Variants in SLC12A6 observed in about 807,000 individuals in gnomAD.
SLC12A6 encodes the protein K-Cl cotransporter 3.
A neutral mutation model predicts 135.3 loss-of-function variants in SLC12A6; 66 were observed. The observed-to-expected ratio is 0.49, with a 90% confidence interval of 0.40 to 0.60. SLC12A6 has a LOEUF of 0.60. Among genes scored for constraint, SLC12A6 ranks in the 20% least tolerant of loss-of-function variants. The pLI is 0.00. For synonymous variants in SLC12A6, 513 were observed against 508.8 expected (o/e 1.01, Z -0.11); for missense variants, 1,058 against 1,452.3 (o/e 0.73, Z 4.41).
Position 34,256,293 on chromosome 15 carries a change from A to G in SLC12A6, c.691-10T>C. The G allele has an allele frequency of 6.3e-7, 1 of 1,583,648 alleles. No homozygotes were observed. The highest frequency in any genetic ancestry group is 8.7e-7 in the Non-Finnish European group (1 of 1,152,192). ...TAGCAGTCAACATTGTCTGCAGAGA[A>G]AAGGAAAGGAGAGGATTGTTACTGT... On this transcript the variant is annotated splice_polypyrimidine_tract_variant and intron_variant, in intron 6 of 25. Transcript: ENST00000354181.
In SLC12A6 at chr15:34,327,014, T is replaced by C. The variant is rs77833062; in HGVS notation, c.271+9396A>G. Among the ~76,000 whole-genome samples the C allele has an allele frequency of 2.0e-5, 3 of 152,192 alleles. No homozygotes were observed. The East Asian group carries it at 5.8e-4, about 29-fold the overall frequency. ...AATGACAAAAATTCTGGTCTTGGAA[T>C]TACATGTGCCTAGGTTCAATCATTA... On this transcript the variant is annotated intron_variant, in intron 2 of 25. Transcript: ENST00000354181.
chr15:34,298,080 A>G (rs1895992443), intron 2 of SLC12A6, among the ~76,000 whole-genome samples: 1 of 152,190 alleles, frequency 6.6e-6, no homozygotes, highest in South Asian at 2.1e-4. Flanking sequence ...CACTATGGAT[A>G]TCAAAAACAG....
Position 34,232,227 on chromosome 15 carries a change from T to A in SLC12A6, c.*1654A>T, listed in dbSNP as rs934927749. 1 of 152,188 alleles carries A rather than the reference T, an allele frequency of 6.6e-6. No individual in the cohort carries two copies. Among genetic ancestry groups the A allele is most frequent in the Non-Finnish European group, 1.5e-5 (1 of 68,036 alleles). The allele number at this position is 152,188 out of a possible 1,614,324, so 9.4% of individuals were successfully genotyped here. A position where few individuals can be genotyped will look rare whatever the true frequency, so the allele number is the denominator to read the frequency against. ...AGCTGAGCTTACACAAGTATTTCCT[T>A]GGCACACTGAACTTTCTTTTTGAAA... On this transcript the variant is annotated 3_prime_UTR_variant, in exon 26 of 26. Transcript: ENST00000354181.
chr15:34,277,956 C>T (rs78246882), intron 2 of SLC12A6, among the ~76,000 whole-genome samples: 5,977 of 152,184 alleles, frequency 0.039, 218 homozygotes, highest in African/African-American at 0.099. Flanking sequence ...TTCTTGCTTC[C>T]CAATATTCTG....
Position 34,256,283 on chromosome 15 carries a change from T to A in SLC12A6, c.691A>T (p.Thr231Ser). Reference protein sequence around the residue: ...FAIVLICCCCTMLTAISMSAI... With the variant: ...FAIVLICCCCSMLTAISMSAI... Reference sequence around the variant, plus strand: ...CTCATGGAGATAGCAGTCAACATTGTCTGCAGAGAAAAGGAAAGGAGAGGA... The same window carrying A: ...CTCATGGAGATAGCAGTCAACATTGACTGCAGAGAAAAGGAAAGGAGAGGA... The change falls in exon 7 of 26, where the codon ACA becomes TCA. Residue 231 changes from threonine to serine, a missense_variant and splice_region_variant. By Grantham distance (58) the Thr-to-Ser change is moderately conservative. This residue lies in a region of SLC12A6 where 139 missense variants were observed against 202.2 expected (regional missense o/e 0.69). Coordinates refer to ENST00000354181, the MANE Select transcript of SLC12A6 (RefSeq NM_001365088.1). 1 of 1,596,780 alleles carries A rather than the reference T, an allele frequency of 6.3e-7. No homozygotes were observed. Among genetic ancestry groups the A allele is most frequent in the Non-Finnish European group, 8.6e-7 (1 of 1,164,214 alleles).
intron 2 of SLC12A6, among the ~76,000 whole-genome samples, chr15:34,329,735 GC>G (rs140871680): frequency 9.7e-4 from 148 of 152,104 alleles, no homozygotes; most frequent in African/African-American, 3.3e-3. Flanking sequence ...TTAAAAATTG[GC>G]CAGGCATGGT....
At position 34,336,460 on chromosome 15, in the gene SLC12A6, G is replaced by T. The variant is rs373526599; in HGVS notation, c.221C>A (p.Ala74Glu). The change falls in exon 2 of 26, where the codon GCA becomes GAA. Residue 74 changes from alanine (A) to glutamate (E), a missense_variant. Around this residue, in one of 6 missense-constraint regions of SLC12A6, gnomAD observed 176 missense variants for 168.9 expected, o/e 1.04. Coordinates refer to ENST00000354181, the MANE Select transcript of SLC12A6 (RefSeq NM_001365088.1). ...SGATTSLATVALDPPSDRTSH... is the reference protein window; with the variant it reads ...SGATTSLATVELDPPSDRTSH... Reference sequence around the variant, plus strand: ...AGTCCGGTCACTGGGTGGATCCAGTGCAACAGTTGCCAGCGAAGTGGTGGC... The same window carrying T: ...AGTCCGGTCACTGGGTGGATCCAGTTCAACAGTTGCCAGCGAAGTGGTGGC... 110 of 1,613,730 alleles carry T rather than the reference G, an allele frequency of 6.8e-5. No individual in the cohort carries two copies. Among genetic ancestry groups the T allele is most frequent in the Admixed American group, 1.8e-4 (11 of 60,000 alleles).
intron 13 of SLC12A6, among the ~76,000 whole-genome samples, chr15:34,249,267 A>G (rs1303431184): frequency 6.6e-6 from 1 of 152,220 alleles, no homozygotes; most frequent in Non-Finnish European, 1.5e-5. Context: ...TAATAAAATA[A>G]TAGCGGAAAG....
chr15:34,326,593 C>T (rs1889470852), intron 2 of SLC12A6, among the ~76,000 whole-genome samples: 1 of 152,030 alleles, frequency 6.6e-6, no homozygotes, highest in Non-Finnish European at 1.5e-5. Context: ...GCTCTAGGCA[C>T]ATAATTTGTG....
At chr15:34,253,030 T>A (rs1892503863) in intron 9 of SLC12A6, among the ~76,000 whole-genome samples, 1 of 152,208 alleles carries the variant, frequency 6.6e-6, no homozygotes, top group African/African-American at 2.4e-5. Flanking sequence ...GGAGTGACGG[T>A]AAGGATAACA....
chr15:34,292,807 G>A (rs1895631943), intron 2 of SLC12A6, among the ~76,000 whole-genome samples: 1 of 152,196 alleles, frequency 6.6e-6, no homozygotes, highest in African/African-American at 2.4e-5. Flanking sequence ...CGTGGGTGTG[G>A]GACCTGCTGA....
At chr15:34,268,852 T>C (rs1893702990) in intron 3 of SLC12A6, among the ~76,000 whole-genome samples, 1 of 149,274 alleles carries the variant, frequency 6.7e-6, no homozygotes, top group African/African-American at 2.5e-5. Context: ...TGTTTCTTTT[T>C]TTCTTTCTTT....
In SLC12A6 at chr15:34,235,329, A is replaced by G. The variant is rs376575991; in HGVS notation, c.3228-15T>C. The G allele has an allele frequency of 1.3e-5, 21 of 1,611,598 alleles. No individual in the cohort carries two copies. The highest frequency in any genetic ancestry group is 5.3e-5 in the African/African-American group (4 of 74,876). ...TGGACTGGTCCCTGAGTGGGGAAGA[A>G]ATAAAGGTTGTTAAGGTAAAAAGAC... On this transcript the variant is annotated splice_polypyrimidine_tract_variant and intron_variant, in intron 24 of 25. Transcript: ENST00000354181.
chr15:34,277,999 T>C (rs1164736494), intron 2 of SLC12A6, among the ~76,000 whole-genome samples: 1 of 152,222 alleles, frequency 6.6e-6, no homozygotes, highest in Non-Finnish European at 1.5e-5. Context: ...AAACAAGGTA[T>C]GATAGGCTAA....
At chr15:34,278,945 T>C (rs1158891190) in intron 2 of SLC12A6, among the ~76,000 whole-genome samples, 1 of 152,140 alleles carries the variant, frequency 6.6e-6, no homozygotes, top group African/African-American at 2.4e-5. Flanking sequence ...TGAAAAATTA[T>C]GGGCAATCCT....
At chr15:34,278,402 G>T (rs556701074) in intron 2 of SLC12A6, among the ~76,000 whole-genome samples, 1 of 151,758 alleles carries the variant, frequency 6.6e-6, no homozygotes, top group South Asian at 2.1e-4. Flanking sequence ...CTCCAGCCTG[G>T]GCAAAAAGAG....
intron 3 of SLC12A6, among the ~76,000 whole-genome samples, chr15:34,265,525 G>A (rs556052944): frequency 1.3e-5 from 2 of 152,284 alleles, no homozygotes; most frequent in Admixed American, 1.3e-4. Flanking sequence ...GACTAGGGAG[G>A]GGAATGACGA....
intron 4 of SLC12A6, among the ~76,000 whole-genome samples, chr15:34,260,403 C>T (rs989086643): frequency 7.2e-5 from 11 of 152,248 alleles, no homozygotes; most frequent in African/African-American, 2.4e-4. Flanking sequence ...GGACCACAGG[C>T]GCCCGCCACC....
At chr15:34,301,007 T>C (rs941105197) in intron 2 of SLC12A6, among the ~76,000 whole-genome samples, 4 of 152,210 alleles carry the variant, frequency 2.6e-5, no homozygotes, top group African/African-American at 4.8e-5. Flanking sequence ...TCACTCTTGT[T>C]GTCCAGGCTG....
Sources: allele counts gnomAD v4.1 joint callset (sites outside exome capture counted in the v4.1 genomes callset), GRCh38; gene constraint gnomAD v4.1.1; regional missense constraint gnomAD v4.1.1; transcripts MANE v1.5; gene names NCBI Gene and HGNC (gene_info 2026-07-23, HGNC 2026-07-21).